Variants in PATJ observed in about 807,000 individuals in gnomAD.
The protein encoded by PATJ is inaD-like protein.
Under a neutral mutation model 224.9 loss-of-function variants are expected in PATJ, and 190 were observed. The ratio of observed to expected loss-of-function variants is 0.84; its 90% CI spans 0.75 to 0.95. PATJ has a LOEUF of 0.95. Ranked by LOEUF, PATJ falls within the 40% of genes least tolerant of loss-of-function variation. The probability of loss-of-function intolerance (pLI) is 0.00; values close to 1 mark genes in which losing one functional copy is unlikely to be tolerated. For synonymous variants in PATJ, 769 were observed against 820.3 expected (o/e 0.94, Z 1.07); for missense variants, 2,121 against 2,270.3 (o/e 0.93, Z 1.34).
chr1:61,950,281 C>T (rs1679452712), intron 27 of PATJ, among the ~76,000 whole-genome samples: 1 of 152,230 alleles, frequency 6.6e-6, no homozygotes, highest in Non-Finnish European at 1.5e-5. Context: ...CGTTTGAGAA[C>T]CTTAGAGCTC....
At chr1:61,903,736 C>T (rs1185870279) in intron 24 of PATJ, among the ~76,000 whole-genome samples, 1 of 150,680 alleles carries the variant, frequency 6.6e-6, no homozygotes, top group East Asian at 1.9e-4. Flanking sequence ...ATATTGGTAA[C>T]CTTGTTTTAT....
intron 1 of PATJ, among the ~76,000 whole-genome samples, chr1:61,746,357 C>T (rs992112719): frequency 2.6e-5 from 4 of 152,180 alleles, no homozygotes; most frequent in African/African-American, 7.2e-5. Flanking sequence ...GGCTTACAGG[C>T]GTGAGCCACC....
intron 25 of PATJ, among the ~76,000 whole-genome samples, chr1:61,911,434 G>A (rs899772644): frequency 2.0e-5 from 3 of 151,884 alleles, no homozygotes; most frequent in Admixed American, 6.6e-5. Context: ...GGCTGGTTTC[G>A]AACTCCTGAC....
At chr1:62,050,901 G>A (rs931916054) in intron 30 of PATJ, 65 bp from the exon 31 acceptor site, 2 of 1,184,248 alleles carry the variant, frequency 1.7e-6, no homozygotes, top group Non-Finnish European at 2.5e-6. Context: ...TTGAGTATCT[G>A]TACAATTCGA....
intron 31 of PATJ, among the ~76,000 whole-genome samples, chr1:62,068,840 G>A (rs573865985): frequency 6.6e-6 from 1 of 152,280 alleles, no homozygotes; most frequent in East Asian, 1.9e-4. Context: ...CTGCCAGAAT[G>A]TGTCATATCA....
chr1:61,936,432 CAA>C (rs11455787), intron 27 of PATJ, among the ~76,000 whole-genome samples: 7 of 92,698 alleles, frequency 7.6e-5, no homozygotes, highest in Non-Finnish European at 1.0e-4. Flanking sequence ...CTTCCAAGAC[CAA>C]AAAAAAAAAA....
intron 10 of PATJ, among the ~76,000 whole-genome samples, chr1:61,796,761 C>CTTTCTTTCTTTT: frequency 7.3e-6 from 1 of 137,394 alleles, no homozygotes; most frequent in African/African-American, 2.9e-5. Flanking sequence ...TCCTTTCTTC[C>CTTTCTTTCTTTT]TTTCTATTTT....
At chr1:61,924,136 C>T (rs1322965969) in intron 26 of PATJ, among the ~76,000 whole-genome samples, 1 of 151,682 alleles carries the variant, frequency 6.6e-6, no homozygotes, top group Non-Finnish European at 1.5e-5. Flanking sequence ...TTTGGGAGGC[C>T]GAGGCAGGAA....
intron 24 of PATJ, among the ~76,000 whole-genome samples, chr1:61,902,204 C>A (rs575662954): frequency 6.9e-6 from 1 of 144,704 alleles, no homozygotes; most frequent in Admixed American, 7.1e-5. Context: ...GGTGACAGAA[C>A]GACACTCTTG....
rs530171216 is a variant in PATJ at position 62,158,542 on chromosome 1, A to C, written c.5503-2366A>C. Reference sequence around the variant, plus strand: ...AGACCATCCTGGCTAACACGGTAAAAAACTCCGTCTCTACTAAAAATACAA... The same window carrying C: ...AGACCATCCTGGCTAACACGGTAAACAACTCCGTCTCTACTAAAAATACAA... On this transcript the variant is annotated intron_variant, in intron 43 of 43. Coordinates refer to ENST00000642238, the MANE Select transcript of PATJ (RefSeq NM_001350145.3). 4.4e-4 allele frequency among the ~76,000 whole-genome samples: 65 copies of C among 148,430 alleles called. 9 individuals are homozygous for C. In the South Asian group the frequency reaches 6.3e-3, roughly 14 times the overall value.
At position 61,949,161 on chromosome 1, in the gene PATJ, A is replaced by G. The variant is rs575734483; in HGVS notation, c.3670+21332A>G. 1.1e-4 allele frequency among the ~76,000 whole-genome samples: 16 copies of G among 152,096 alleles called. 1 individual carries two copies. In the South Asian group the frequency reaches 3.3e-3, roughly 32 times the overall value. ...AGCACAACATGACACATGTATATAT[A>G]CGTAACAAACCTGTACATTGTGCAC... On this transcript the variant is annotated intron_variant, in intron 27 of 43. Coordinates refer to ENST00000642238, the MANE Select transcript of PATJ (RefSeq NM_001350145.3).
chr1:62,160,591 A>G (rs777395742), intron 43 of PATJ, among the ~76,000 whole-genome samples: 3 of 152,206 alleles, frequency 2.0e-5, no homozygotes, highest in Non-Finnish European at 4.4e-5. Flanking sequence ...TGAATAGGAC[A>G]TGATATGACA....
intron 29 of PATJ, among the ~76,000 whole-genome samples, chr1:62,022,184 T>C (rs1032826809): frequency 6.6e-6 from 1 of 152,220 alleles, no homozygotes; most frequent in East Asian, 1.9e-4. Context: ...TATAGCAATG[T>C]ACATTTTGTA....
At chr1:61,768,984 A>G (rs1363046592) in intron 4 of PATJ, among the ~76,000 whole-genome samples, 1 of 152,240 alleles carries the variant, frequency 6.6e-6, no homozygotes, top group African/African-American at 2.4e-5. Flanking sequence ...AGAATTTACT[A>G]TGGGAAAAGG....
intron 24 of PATJ, among the ~76,000 whole-genome samples, chr1:61,907,799 T>C (rs1413665853): frequency 6.6e-6 from 1 of 152,232 alleles, no homozygotes; most frequent in African/African-American, 2.4e-5. Context: ...TAGCAAGTTA[T>C]GTTCTCTGAA....
At chr1:62,049,992 T>A (rs1653282359) in intron 30 of PATJ, among the ~76,000 whole-genome samples, 1 of 151,954 alleles carries the variant, frequency 6.6e-6, no homozygotes, top group Non-Finnish European at 1.5e-5. Flanking sequence ...GGCATGCACC[T>A]GTAGTCCCAG....
At chr1:61,827,351 A>G in intron 15 of PATJ, 71 bp from the exon 16 acceptor site, 7 of 1,329,678 alleles carry the variant, frequency 5.3e-6, no homozygotes, top group Non-Finnish European at 7.1e-6. Flanking sequence ...TGGTAGATGG[A>G]TATAAATAAG....
chr1:61,899,780 C>A, intron 23 of PATJ, 126 bp downstream of exon 23: 1 of 610,550 alleles, frequency 1.6e-6, no homozygotes, highest in Non-Finnish European at 2.8e-6. Context: ...CACCTGTAAG[C>A]TGGCCTACGT....
chr1:61,829,052 G>A (rs1406358669), intron 16 of PATJ, among the ~76,000 whole-genome samples: 1 of 152,174 alleles, frequency 6.6e-6, no homozygotes, highest in African/African-American at 2.4e-5. Context: ...GTCGGCTATG[G>A]CTGTTTGAGT....
Sources: allele counts gnomAD v4.1 joint callset (sites outside exome capture counted in the v4.1 genomes callset), GRCh38; gene constraint gnomAD v4.1.1; transcripts MANE v1.5; gene names NCBI Gene and HGNC (gene_info 2026-07-23, HGNC 2026-07-21).